ING5: variants seen among roughly 807,000 people sequenced by gnomAD.
ING5 encodes the protein inhibitor of growth protein 5.
ING5 carries 17 observed loss-of-function variants against 37.4 expected under a neutral mutation model. The ratio of observed to expected loss-of-function variants is 0.45; its 90% CI spans 0.31 to 0.68. The LOEUF is 0.68. ING5 is among the 30% of genes least tolerant of loss of function. The pLI is 0.05. For synonymous variants in ING5, 123 were observed against 116.6 expected (o/e 1.06, Z -0.36); for missense variants, 233 against 311.9 (o/e 0.75, Z 1.91).
chr2:241,712,105 C>G (rs372230469), intron 5 of ING5, 34 bp downstream of exon 5: 139 of 1,487,166 alleles, frequency 9.3e-5, no homozygotes, highest in Admixed American at 3.3e-4. Flanking sequence ...CCCAAAAGAA[C>G]GAATACCCAT....
intron 5 of ING5, chr2:241,719,823 T>C (rs1349275831): frequency 3.5e-6 from 5 of 1,413,554 alleles, no homozygotes; most frequent in Admixed American, 3.0e-5. Flanking sequence ...CACTGTTTAG[T>C]AGCAATGCGG....
upstream of ING5, among the ~76,000 whole-genome samples, chr2:241,698,092 A>AC (rs1436258569): frequency 6.6e-6 from 1 of 151,480 alleles, no homozygotes; most frequent in East Asian, 1.9e-4. Flanking sequence ...CAAAAAAAAA[A>AC]AAAAAAAAGC....
chr2:241,724,477 C>A, intron 7 of ING5: 1 of 165,876 alleles, frequency 6.0e-6, no homozygotes, highest in South Asian at 1.6e-4. Context: ...TATGGAATGT[C>A]CTCTGTGGTC....
intron 5 of ING5, chr2:241,720,936 T>G: frequency 1.0e-6 from 1 of 985,616 alleles, no homozygotes. Context: ...GCTTCTGGGG[T>G]GCCCTTGCTG....
chr2:241,725,132 T>G lies in ING5; in HGVS notation c.*101T>G. ...TAAAACTACCTTGTTCGGTTGATACTTAGTAACTCCGTGGCCAGTTGAAGC... is the reference window on the plus strand; with the variant it reads ...TAAAACTACCTTGTTCGGTTGATACGTAGTAACTCCGTGGCCAGTTGAAGC... On this transcript the variant is annotated 3_prime_UTR_variant, in exon 8 of 8. Coordinates refer to ENST00000313552, the MANE Select transcript of ING5 (RefSeq NM_032329.6). 8.8e-6 allele frequency: 11 copies of G among 1,251,270 alleles called. No individual in the cohort carries two copies. In the South Asian group the frequency reaches 1.3e-4, roughly 15 times the overall value. The allele number at this position is 1,251,270 out of a possible 1,614,324, so 77.5% of individuals were successfully genotyped here. A position where few individuals can be genotyped will look rare whatever the true frequency, so the allele number is the denominator to read the frequency against.
intron 5 of ING5, among the ~76,000 whole-genome samples, chr2:241,713,919 A>C (rs1166786239): frequency 6.6e-6 from 1 of 151,572 alleles, no homozygotes; most frequent in Non-Finnish European, 1.5e-5. Context: ...GAACCCGGGA[A>C]GTGGAGGTTG....
At position 241,726,391 on chromosome 2, in the gene ING5, A is replaced by C. The variant is rs1691623354; in HGVS notation, c.*1360A>C. 1 of 152,216 alleles carries C rather than the reference A, an allele frequency of 6.6e-6. No individual in the cohort carries two copies. The highest frequency in any genetic ancestry group is 2.1e-4 in the South Asian group (1 of 4,826). 9.4% of individuals were successfully genotyped at this position (152,216 alleles called of 1,614,324 possible). A position where few individuals can be genotyped will look rare whatever the true frequency, so the allele number is the denominator to read the frequency against. Reference sequence around the variant, plus strand: ...AATGTTTCACTAGGGAGAGGAAATAAAGCAGAAGGAACGTGTGAAGCTCTG... The same window carrying C: ...AATGTTTCACTAGGGAGAGGAAATACAGCAGAAGGAACGTGTGAAGCTCTG... On this transcript the variant is annotated 3_prime_UTR_variant, in exon 8 of 8. Coordinates refer to ENST00000313552, the MANE Select transcript of ING5 (RefSeq NM_032329.6).
chr2:241,699,538 G>A (rs1008001713), upstream of ING5, among the ~76,000 whole-genome samples: 2 of 152,020 alleles, frequency 1.3e-5, no homozygotes, highest in African/African-American at 2.4e-5. Flanking sequence ...AGCCTCTCAT[G>A]GTGATCATAC....
intron 5 of ING5, among the ~76,000 whole-genome samples, chr2:241,717,428 T>G (rs1280157284): frequency 6.6e-6 from 1 of 152,178 alleles, no homozygotes; most frequent in South Asian, 2.1e-4. Context: ...TCCATACATA[T>G]TCTGCTTACG....
rs1185556171 is a variant in ING5 at position 241,693,652 on chromosome 2, C to CTTTTTTTTTTT, written c.43+3012_43+3022dup. ...AGTTGTTGCACTGAGAAATACAACT[C>CTTTTTTTTTTT]TTTTTTTTTTTTTTTTTTTTTTTGA... On this transcript the variant is annotated intron_variant, in intron 2 of 7. Transcript: ENST00000636051. Among the ~76,000 whole-genome samples the CTTTTTTTTTTT allele has an allele frequency of 1.3e-4, 10 of 78,566 alleles. 1 individual carries two copies. The highest frequency in any genetic ancestry group is 1.8e-4 in the Non-Finnish European group (8 of 43,528). The allele number at this position is 78,566 out of a possible 152,430, so 51.5% of individuals were successfully genotyped here.
chr2:241,723,885 C>T (rs1409184605), intron 7 of ING5: 2 of 1,428,736 alleles, frequency 1.4e-6, no homozygotes, highest in African/African-American at 1.4e-5. Flanking sequence ...TGGTGCGTGC[C>T]TGTGGTCCCA....
chr2:241,709,175 T>G (rs1377126530), intron 2 of ING5, 41 bp from the exon 3 acceptor site: 1 of 1,571,266 alleles, frequency 6.4e-7, no homozygotes, highest in Admixed American at 1.8e-5. Flanking sequence ...CACATCATGG[T>G]GTCTTGTGCA....
upstream of ING5, among the ~76,000 whole-genome samples, chr2:241,700,226 G>A (rs2069694202): frequency 7.0e-6 from 1 of 143,488 alleles, no homozygotes; most frequent in Admixed American, 7.6e-5. Flanking sequence ...GCACGATCTC[G>A]GCTCACCGCA....
intron 1 of ING5, among the ~76,000 whole-genome samples, chr2:241,703,596 C>T (rs982540348): frequency 6.3e-5 from 8 of 126,864 alleles, no homozygotes; most frequent in African/African-American, 2.1e-4. Context: ...TCAGAGAGAA[C>T]ATTTCTTTTC....
At chr2:241,723,988 C>G in intron 7 of ING5, 1 of 1,325,322 alleles carries the variant, frequency 7.5e-7, no homozygotes, top group East Asian at 2.5e-5. Flanking sequence ...CCAGCCTGGG[C>G]GAGAGAGCAA....
chr2:241,702,416 A>G (rs1352877918), intron 1 of ING5, among the ~76,000 whole-genome samples: 1 of 139,564 alleles, frequency 7.2e-6, no homozygotes, highest in Non-Finnish European at 1.6e-5. Flanking sequence ...GCCCCTACCC[A>G]GGCCCCGCCT....
At chr2:241,712,215 C>T (rs549132313) in intron 5 of ING5, 144 bp downstream of exon 5, 7 of 682,952 alleles carry the variant, frequency 1.0e-5, no homozygotes, top group South Asian at 4.2e-5. Context: ...GCGCGCCTGT[C>T]GTCAGCCTGT....
In ING5 at chr2:241,727,023, C is replaced by T. The variant is rs1029252868; in HGVS notation, c.*1992C>T. 1.3e-5 allele frequency: 2 copies of T among 152,222 alleles called. No homozygotes were observed. Among genetic ancestry groups the T allele is most frequent in the African/African-American group, 4.8e-5 (2 of 41,438 alleles). 9.4% of individuals were successfully genotyped at this position (152,222 alleles called of 1,614,324 possible). On this transcript the variant is annotated 3_prime_UTR_variant, in exon 8 of 8. Coordinates refer to ENST00000313552, the MANE Select transcript of ING5 (RefSeq NM_032329.6). ...TGTTAACCAGGATGGTCTCGATCTC[C>T]TGACCTCACGATTTGCCCGCCTCGG... is the stretch of plus-strand genomic sequence containing the variant.
intron 5 of ING5, chr2:241,722,262 G>A (rs1038983777): frequency 9.1e-6 from 9 of 985,318 alleles, no homozygotes; most frequent in African/African-American, 7.0e-5. Flanking sequence ...CAGAGGTGAC[G>A]TGTGCTTGTT....
Sources: gnomAD v4.1 joint callset for allele counts (sites outside exome capture counted in the v4.1 genomes callset) on GRCh38, gnomAD v4.1.1 for gene constraint, MANE v1.5 for transcripts, NCBI Gene and HGNC (gene_info 2026-07-23, HGNC 2026-07-21) for gene names.